TASP1: variants seen among roughly 807,000 people sequenced by gnomAD.
TASP1 encodes taspase 1.
Under a neutral mutation model 56.6 loss-of-function variants are expected in TASP1, and 16 were observed. The ratio of observed to expected loss-of-function variants is 0.28; its 90% confidence interval spans 0.19 to 0.43. TASP1 has a LOEUF of 0.43. TASP1 is among the 20% of genes least tolerant of loss of function. TASP1 has a pLI of 1.00. For synonymous variants in TASP1, 179 were observed against 184.2 expected (o/e 0.97, Z 0.23); for missense variants, 393 against 511.6 (o/e 0.77, Z 2.24).
chr20:13,633,395 G>T (rs935625750), intron 1 of TASP1, among the ~76,000 whole-genome samples: 16 of 152,012 alleles, frequency 1.1e-4, no homozygotes, highest in African/African-American at 3.9e-4. Context: ...TGAAACTTTC[G>T]AATTTGAACC....
chr20:13,269,450 G>A, the TASP1 span, among the ~76,000 whole-genome samples: 6 of 152,162 alleles, frequency 3.9e-5, no homozygotes, highest in African/African-American at 9.7e-5. Flanking sequence ...ATGCCTTTTC[G>A]TGACTTTTTC....
At chr20:13,247,416 G>A in the TASP1 span, among the ~76,000 whole-genome samples, 1 of 152,070 alleles carries the variant, frequency 6.6e-6, no homozygotes, top group Admixed American at 6.6e-5. Context: ...GAAGTTATCA[G>A]TGGCTTGCAG....
chr20:13,129,311 A>C, the TASP1 span, among the ~76,000 whole-genome samples: 1 of 152,138 alleles, frequency 6.6e-6, no homozygotes, highest in Non-Finnish European at 1.5e-5. Context: ...TTAAACAGGT[A>C]TCTTTTAACC....
the TASP1 span, among the ~76,000 whole-genome samples, chr20:13,269,139 C>G: frequency 5.3e-5 from 8 of 152,116 alleles, no homozygotes; most frequent in African/African-American, 1.9e-4. Context: ...ATATACACTC[C>G]CAAACCCCAA....
At chr20:13,573,459 T>A (rs1285047101) in intron 6 of TASP1, among the ~76,000 whole-genome samples, 1 of 152,222 alleles carries the variant, frequency 6.6e-6, no homozygotes, top group Non-Finnish European at 1.5e-5. Context: ...GCTAACTAGT[T>A]TATGATATTA....
chr20:13,615,040 T>A (rs770311551), intron 4 of TASP1, among the ~76,000 whole-genome samples: 2 of 152,148 alleles, frequency 1.3e-5, no homozygotes, highest in Non-Finnish European at 2.9e-5. Flanking sequence ...TTATAATAAT[T>A]TAAACCATCC....
At chr20:13,336,688 T>C in the TASP1 span, among the ~76,000 whole-genome samples, 25,647 of 152,234 alleles carry the variant, frequency 0.17, 3,186 homozygotes, top group African/African-American at 0.34. Context: ...TTATTTTGCA[T>C]TGGGCTCTAC....
chr20:13,113,122 G>T, the TASP1 span, among the ~76,000 whole-genome samples: 5 of 152,310 alleles, frequency 3.3e-5, no homozygotes, highest in South Asian at 1.0e-3. Flanking sequence ...GGCAGAGGTT[G>T]CAGTGAGCCA....
At chr20:13,127,489 AC>A in the TASP1 span, among the ~76,000 whole-genome samples, 1 of 152,214 alleles carries the variant, frequency 6.6e-6, no homozygotes, top group African/African-American at 2.4e-5. Flanking sequence ...CTGAAGTCCT[AC>A]ATTGTTTAAT....
chr20:13,485,547 T>G (rs1013570010), intron 10 of TASP1, among the ~76,000 whole-genome samples: 4 of 152,166 alleles, frequency 2.6e-5, no homozygotes, highest in African/African-American at 9.6e-5. Flanking sequence ...AATGCAAACA[T>G]CCTTCAGGAT....
At chr20:13,355,451 G>A in the TASP1 span, among the ~76,000 whole-genome samples, 4 of 152,144 alleles carry the variant, frequency 2.6e-5, no homozygotes, top group Non-Finnish European at 5.9e-5. Context: ...AGGGAAAACC[G>A]TGCCCAAGCT....
intron 10 of TASP1, among the ~76,000 whole-genome samples, chr20:13,515,715 A>T (rs1324347002): frequency 6.6e-6 from 1 of 152,046 alleles, no homozygotes; most frequent in East Asian, 1.9e-4. Context: ...CTACATGTCA[A>T]ACATCTGAAA....
intron 10 of TASP1, among the ~76,000 whole-genome samples, chr20:13,511,028 T>A (rs1039629617): frequency 6.6e-5 from 10 of 152,258 alleles, no homozygotes; most frequent in African/African-American, 2.4e-4. Flanking sequence ...CCCATACGCA[T>A]GTCCTGTACT....
At chr20:13,455,147 A>G (rs2043781407) in intron 11 of TASP1, among the ~76,000 whole-genome samples, 1 of 152,282 alleles carries the variant, frequency 6.6e-6, no homozygotes, top group African/African-American at 2.4e-5. Context: ...TAACTTTTAA[A>G]GTTTTTAAAA....
rs535868045 is a variant in TASP1, at chr20:13,398,344, C to T, written c.1171-7892G>A. 5.9e-5 allele frequency among the ~76,000 whole-genome samples: 9 copies of T among 151,910 alleles called. No homozygotes were observed. The South Asian group carries it at 6.3e-4, about 11-fold the overall frequency. On this transcript the variant is annotated intron_variant, in intron 13 of 13. Coordinates refer to ENST00000337743, the MANE Select transcript of TASP1 (RefSeq NM_017714.3). ...AAAGCAGCATTTCTCAAGCTGACTT[C>T]TGCTGGGTCCTGGCAGGTGCTCTCT...
At chr20:13,321,444 C>T in the TASP1 span, among the ~76,000 whole-genome samples, 59 of 152,198 alleles carry the variant, frequency 3.9e-4, no homozygotes, top group Admixed American at 9.2e-4. Context: ...GGGATTGTCG[C>T]TTGGATCCAA....
At chr20:13,135,474 C>A in the TASP1 span, among the ~76,000 whole-genome samples, 2 of 152,222 alleles carry the variant, frequency 1.3e-5, no homozygotes, top group East Asian at 1.9e-4. Flanking sequence ...ATCTGCTTAA[C>A]CTGATGCATC....
the TASP1 span, among the ~76,000 whole-genome samples, chr20:13,329,333 A>G: frequency 6.6e-6 from 1 of 152,206 alleles, no homozygotes; most frequent in Non-Finnish European, 1.5e-5. Flanking sequence ...AGAAATTAGG[A>G]CACAAACAGG....
chr20:13,488,311 GA>G (rs970901067), intron 10 of TASP1, among the ~76,000 whole-genome samples: 78 of 151,574 alleles, frequency 5.1e-4, no homozygotes, highest in African/African-American at 1.7e-3. Context: ...AAAAGAAAAG[GA>G]AAAAAATTCA....
Sources: gnomAD v4.1 joint callset for allele counts (sites outside exome capture counted in the v4.1 genomes callset) on GRCh38, gnomAD v4.1.1 for gene constraint, MANE v1.5 for transcripts, NCBI Gene and HGNC (gene_info 2026-07-23, HGNC 2026-07-21) for gene names.